Variants in RORA observed in about 807,000 individuals in gnomAD.
RORA encodes the protein nuclear receptor ROR-alpha.
RORA carries 7 observed loss-of-function variants against 69.5 expected under a neutral mutation model. The observed-to-expected ratio is 0.10, with a 90% CI of 0.06 to 0.19. RORA has a LOEUF of 0.19. Ranked by LOEUF, RORA falls within the 10% of genes least tolerant of loss-of-function variation. The probability of loss-of-function intolerance (pLI) is 1.00; values close to 1 mark genes in which losing one functional copy is unlikely to be tolerated. For missense variants in RORA, 457 were observed against 663.0 expected (o/e 0.69, Z 3.41); for synonymous variants, 261 against 240.8 (o/e 1.08, Z -0.78).
chr15:60,530,233 C>T (rs1160675444), intron 3 of RORA: 2 of 152,356 alleles, frequency 1.3e-5, no homozygotes, highest in Non-Finnish European at 2.9e-5. Context: ...AGATCACTCT[C>T]ACCTTATAAC....
chr15:60,798,843 G>A (rs1051435300), intron 1 of RORA, among the ~76,000 whole-genome samples: 1 of 152,088 alleles, frequency 6.6e-6, no homozygotes, highest in Admixed American at 6.5e-5. Context: ...CTAAAGTGGA[G>A]GCAAGCATGT....
intron 6 of RORA, among the ~76,000 whole-genome samples, 157 bp from the exon 7 acceptor site, chr15:60,503,824 A>G (rs778016887): frequency 3.9e-5 from 6 of 152,128 alleles, no homozygotes; most frequent in Non-Finnish European, 7.4e-5. Context: ...TATTTTTGAG[A>G]TGGAGTCTCG....
chr15:60,949,780 G>C (rs1297926927), intron 1 of RORA, among the ~76,000 whole-genome samples: 1 of 152,108 alleles, frequency 6.6e-6, no homozygotes, highest in East Asian at 1.9e-4. Context: ...ATCTGCACTT[G>C]GTTTATAAGT....
At chr15:60,978,707 G>T (rs1452165855) in intron 1 of RORA, among the ~76,000 whole-genome samples, 2 of 152,090 alleles carry the variant, frequency 1.3e-5, no homozygotes, top group Non-Finnish European at 2.9e-5. Context: ...TACATAGTAT[G>T]AGGTAAGGGT....
chr15:60,610,529 TA>T (rs1259892371), intron 2 of RORA, among the ~76,000 whole-genome samples: 1 of 151,808 alleles, frequency 6.6e-6, no homozygotes, highest in African/African-American at 2.4e-5. Flanking sequence ...AAAATCACGG[TA>T]AGGAGGTGAA....
At chr15:60,714,526 A>C (rs999099166) in intron 1 of RORA, among the ~76,000 whole-genome samples, 32 of 151,246 alleles carry the variant, frequency 2.1e-4, no homozygotes, top group African/African-American at 7.8e-4. Flanking sequence ...CAACACACGT[A>C]GCTAATTTTT....
In RORA at chr15:61,061,354, AAAATAAATAAAT is replaced by A. The variant is rs59914367; in HGVS notation, c.166+167687_166+167698del. ...GAGACAGAGCGAGGCTCTATCTTAA[AAAATAAATAAAT>A]AAATAAATAAATAAATAAATAAATA... On this transcript the variant is annotated intron_variant, in intron 1 of 10. Transcript: ENST00000335670. The surrounding 1 kb of genome is among the most constrained non-coding windows in gnomAD (Gnocchi z 4.4). Among the ~76,000 whole-genome samples, 2,184 of 137,140 alleles carry A rather than the reference AAAATAAATAAAT, an allele frequency of 0.016. 56 individuals are homozygous for A. The highest frequency in any genetic ancestry group is 0.056 in the African/African-American group (2,074 of 37,030). The allele number at this position is 137,140 out of a possible 152,430, so 90.0% of individuals were successfully genotyped here.
chr15:60,738,416 T>C (rs561918929), intron 1 of RORA, among the ~76,000 whole-genome samples: 1 of 152,356 alleles, frequency 6.6e-6, no homozygotes, highest in Admixed American at 6.5e-5. Flanking sequence ...TGGGCTGCTC[T>C]AGGATGTAGG....
Position 61,066,418 on chromosome 15 carries a change from C to CTTT in RORA, c.166+162632_166+162634dup, listed in dbSNP as rs1168663714. ...AATTGTGGGAAGACAGGGCATATTCCTTTTTTTTTTTTTTTTTTTTTTTTT... is the reference window on the plus strand; with the variant it reads ...AATTGTGGGAAGACAGGGCATATTCCTTTTTTTTTTTTTTTTTTTTTTTTTTTT... On this transcript the variant is annotated intron_variant, in intron 1 of 10. Transcript: ENST00000335670. 7.0e-3 allele frequency among the ~76,000 whole-genome samples: 565 copies of CTTT among 80,920 alleles called. 11 individuals carry two copies. Among genetic ancestry groups the CTTT allele is most frequent in the African/African-American group, 0.011 (234 of 20,388 alleles). 53.1% of individuals were successfully genotyped at this position (80,920 alleles called of 152,430 possible). A position where few individuals can be genotyped will look rare whatever the true frequency, so the allele number is the denominator to read the frequency against.
intron 3 of RORA, among the ~76,000 whole-genome samples, chr15:60,517,110 CTT>C (rs34707279): frequency 1.4e-5 from 2 of 141,270 alleles, no homozygotes; most frequent in Admixed American, 6.9e-5. Context: ...TTCATCTGTG[CTT>C]TTTTTTTTTT....
intron 1 of RORA, among the ~76,000 whole-genome samples, chr15:60,994,837 G>A (rs748067469): frequency 6.6e-5 from 10 of 152,194 alleles, no homozygotes; most frequent in Non-Finnish European, 1.3e-4. Context: ...AGGCCTCCTT[G>A]AGAAAGCCAA....
At chr15:60,618,409 G>A (rs114385317) in intron 2 of RORA, among the ~76,000 whole-genome samples, 2,407 of 152,214 alleles carry the variant, frequency 0.016, 55 homozygotes, top group African/African-American at 0.054. Flanking sequence ...CTTGAAGCCC[G>A]TCCTTTGTGT....
intron 1 of RORA, among the ~76,000 whole-genome samples, chr15:61,155,026 T>C (rs2079430660): frequency 2.0e-5 from 3 of 151,592 alleles, no homozygotes; most frequent in Non-Finnish European, 2.9e-5. Context: ...GGAGTTCTAA[T>C]ATACAGTATG....
At chr15:61,005,573 TTC>T (rs60796763) in intron 1 of RORA, among the ~76,000 whole-genome samples, 2 of 152,088 alleles carry the variant, frequency 1.3e-5, no homozygotes, top group Non-Finnish European at 2.9e-5. Context: ...TCTGAAAGCT[TTC>T]TCTCTCTCTC....
intron 2 of RORA, among the ~76,000 whole-genome samples, chr15:60,550,479 A>G (rs1010456241): frequency 6.6e-6 from 1 of 152,248 alleles, no homozygotes; most frequent in Non-Finnish European, 1.5e-5. Flanking sequence ...CACCAAAAAG[A>G]TATCAAACTT....
chr15:61,104,729 C>T (rs2078928018), intron 1 of RORA, among the ~76,000 whole-genome samples: 1 of 152,190 alleles, frequency 6.6e-6, no homozygotes, highest in Admixed American at 6.5e-5. Context: ...TTTGCATATC[C>T]TGTTCCTTAG....
chr15:60,937,330 C>T (rs1196580494), intron 1 of RORA, among the ~76,000 whole-genome samples: 3 of 152,170 alleles, frequency 2.0e-5, no homozygotes, highest in Non-Finnish European at 2.9e-5. Flanking sequence ...TATTTACTGT[C>T]TGGGTGATTA....
intron 1 of RORA, among the ~76,000 whole-genome samples, chr15:61,052,882 C>A (rs1402895304): frequency 6.6e-6 from 1 of 152,144 alleles, no homozygotes; most frequent in Non-Finnish European, 1.5e-5. Flanking sequence ...CCAGCCTGTA[C>A]CTCGCTGACC....
Position 60,917,062 on chromosome 15 carries a change from T to C in RORA, c.167-238376A>G, listed in dbSNP as rs116057409. Among the ~76,000 whole-genome samples, 692 of 152,204 alleles carry C rather than the reference T, an allele frequency of 4.5e-3. 6 individuals are homozygous for C. Among genetic ancestry groups the C allele is most frequent in the African/African-American group, 0.016 (664 of 41,526 alleles). ...ATCCGGCTTCCAGAGCCCAAAACCC[T>C]CAACAGAGGAGCTGCTTCAACAACT... On this transcript the variant is annotated intron_variant, in intron 1 of 10. Transcript: ENST00000335670.
Sources: gnomAD v4.1 joint callset for allele counts (sites outside exome capture counted in the v4.1 genomes callset) on GRCh38, gnomAD v4.1.1 for gene constraint, Gnocchi (gnomAD v3.1) non-coding constraint, MANE v1.5 for transcripts, NCBI Gene and HGNC (gene_info 2026-07-23, HGNC 2026-07-21) for gene names.